Variants in POLD3 observed in about 807,000 individuals in gnomAD.
POLD3 encodes the protein DNA polymerase delta 3, accessory subunit, also known as DNA polymerase delta subunit 3.
A neutral mutation model predicts 58.2 loss-of-function variants in POLD3; 19 were observed. The observed-to-expected ratio is 0.33, with a 90% confidence interval of 0.23 to 0.48. The LOEUF is 0.48. Among genes scored for constraint, POLD3 ranks in the 20% least tolerant of loss-of-function variants. POLD3 has a pLI of 0.99. For missense variants in POLD3, 504 were observed against 545.5 expected (o/e 0.92, Z 0.76); for synonymous variants, 172 against 193.5 (o/e 0.89, Z 0.92).
At chr11:74,607,504 G>A (rs2031730040) in intron 3 of POLD3, among the ~76,000 whole-genome samples, 2 of 151,442 alleles carry the variant, frequency 1.3e-5, no homozygotes, top group African/African-American at 4.8e-5. Flanking sequence ...CTGACCTTGT[G>A]ATCCACCCAC....
At chr11:74,635,241 T>G (rs533204321) in intron 10 of POLD3, among the ~76,000 whole-genome samples, 1 of 152,342 alleles carries the variant, frequency 6.6e-6, no homozygotes, top group South Asian at 2.1e-4. Context: ...CTGTTAGTTT[T>G]TCTTAATTCA....
rs772517397 is a variant in POLD3, at chr11:74,594,108, G to C, written c.108G>C (p.Gln36His). 6.3e-7 allele frequency: 1 copy of C among 1,593,010 alleles called. No individual in the cohort carries two copies. The highest frequency in any genetic ancestry group is 1.1e-5 in the South Asian group (1 of 90,506). Residue 36 changes from glutamine (Q) to histidine (H), a missense_variant, in exon 2 of 12, where the codon CAG becomes CAC. Physicochemically the swap from Gln to His is conservative, Grantham distance 24. Coordinates refer to ENST00000263681, the MANE Select transcript of POLD3 (RefSeq NM_006591.3). ...ATACACTAGGGGTTCATGTTAACCA[G>C]GCCAAACAGTAAGTCCAATTTACTA... ...LSYTLGVHVN[Q>H]AKQMLYDYVE...
downstream of POLD3, among the ~76,000 whole-genome samples, chr11:74,643,334 T>C (rs577962871): frequency 6.6e-6 from 1 of 152,228 alleles, no homozygotes; most frequent in Non-Finnish European, 1.5e-5. Flanking sequence ...TATAGATGCC[T>C]ATATTTACTG....
intron 4 of POLD3, among the ~76,000 whole-genome samples, chr11:74,648,710 G>C (rs78161996): frequency 6.6e-6 from 1 of 152,164 alleles, no homozygotes; most frequent in Non-Finnish European, 1.5e-5. Flanking sequence ...AGCTCACAGA[G>C]GTCTTTGCTA....
chr11:74,656,392 G>A (rs191886358), intron 4 of POLD3, among the ~76,000 whole-genome samples: 1 of 152,282 alleles, frequency 6.6e-6, no homozygotes, highest in Admixed American at 6.5e-5. Flanking sequence ...TTTGAGACCA[G>A]CCTGACCAAA....
chr11:74,614,564 G>T (rs1372865440), intron 5 of POLD3, among the ~76,000 whole-genome samples: 3 of 152,286 alleles, frequency 2.0e-5, no homozygotes, highest in Admixed American at 6.5e-5. Context: ...CAAAAAATTA[G>T]CTGGGCACGG....
chr11:74,654,941 TA>T (rs2033114622), intron 4 of POLD3, among the ~76,000 whole-genome samples: 1 of 152,330 alleles, frequency 6.6e-6, no homozygotes, highest in Admixed American at 6.5e-5. Flanking sequence ...TGAGCTTCGA[TA>T]AGCTGCCACA....
intron 11 of POLD3, among the ~76,000 whole-genome samples, chr11:74,637,193 T>G (rs7112403): frequency 8.8e-4 from 134 of 152,272 alleles, no homozygotes; most frequent in African/African-American, 2.9e-3. Flanking sequence ...TTGAAAAGAT[T>G]GGCTCTGAAG....
At position 74,663,101 on chromosome 11, in the gene POLD3, T is replaced by G. The variant is rs145815355; in HGVS notation, c.370-5676T>G. ...CAGGTACTGTGATTGCTTACCTGATTTTTGGTTCCTATAAAGGTGCTTTTC... is the reference window on the plus strand; with the variant it reads ...CAGGTACTGTGATTGCTTACCTGATGTTTGGTTCCTATAAAGGTGCTTTTC... On this transcript the variant is annotated intron_variant, in intron 4 of 4. Transcript: ENST00000524752. Among the ~76,000 whole-genome samples the G allele has an allele frequency of 4.8e-4, 73 of 152,340 alleles. 1 individual carries two copies. In the East Asian group the frequency reaches 9.0e-3, roughly 19 times the overall value.
At chr11:74,617,561 C>G (rs1444372328) in intron 5 of POLD3, among the ~76,000 whole-genome samples, 1 of 152,054 alleles carries the variant, frequency 6.6e-6, no homozygotes, top group Non-Finnish European at 1.5e-5. Flanking sequence ...GCCACCACGC[C>G]CAGCTAATTT....
chr11:74,625,045 G>A (rs1457835666), intron 7 of POLD3, among the ~76,000 whole-genome samples: 1 of 152,168 alleles, frequency 6.6e-6, no homozygotes, highest in Non-Finnish European at 1.5e-5. Context: ...GCTGCAAATC[G>A]TTGTCACCAT....
At chr11:74,655,324 A>C (rs1271843349) in intron 4 of POLD3, among the ~76,000 whole-genome samples, 1 of 152,268 alleles carries the variant, frequency 6.6e-6, no homozygotes, top group African/African-American at 2.4e-5. Context: ...GTCCCGCACC[A>C]CAGACTCTAT....
chr11:74,626,499 A>T (rs1405713506), intron 8 of POLD3, among the ~76,000 whole-genome samples: 4 of 152,170 alleles, frequency 2.6e-5, no homozygotes, highest in Non-Finnish European at 4.4e-5. Flanking sequence ...GGATGCTCAG[A>T]TGGTGTTTTT....
At chr11:74,645,902 ATTAG>A (rs954511692), downstream of POLD3, among the ~76,000 whole-genome samples, 3 of 151,470 alleles carry the variant, frequency 2.0e-5, no homozygotes, top group Non-Finnish European at 4.4e-5. Context: ...TTGGCTATGT[ATTAG>A]TTCATACTTC....
At chr11:74,620,143 A>G (rs1003340746) in intron 7 of POLD3, 54 bp downstream of exon 7, 4 of 1,307,056 alleles carry the variant, frequency 3.1e-6, no homozygotes, top group Non-Finnish European at 4.4e-6. Context: ...ATGTAATGAC[A>G]TATTATACCT....
chr11:74,654,993 G>A (rs1211454144), intron 4 of POLD3, among the ~76,000 whole-genome samples: 5 of 152,224 alleles, frequency 3.3e-5, no homozygotes, highest in Non-Finnish European at 5.9e-5. Context: ...ACCAAAGAGT[G>A]CCTTGGCTAT....
At chr11:74,628,210 T>C (rs1403459998) in intron 8 of POLD3, among the ~76,000 whole-genome samples, 1 of 152,174 alleles carries the variant, frequency 6.6e-6, no homozygotes, top group Non-Finnish European at 1.5e-5. Flanking sequence ...ATTTCTTTAC[T>C]GTTTCATTCC....
intron 11 of POLD3, among the ~76,000 whole-genome samples, chr11:74,636,934 C>T (rs1042726199): frequency 6.6e-6 from 1 of 152,174 alleles, no homozygotes; most frequent in African/African-American, 2.4e-5. Flanking sequence ...GCTTCTTCTA[C>T]CCTTTCCATA....
At chr11:74,636,360 T>G in intron 11 of POLD3, 85 bp downstream of exon 11, 2 of 1,317,768 alleles carry the variant, frequency 1.5e-6, no homozygotes, top group Non-Finnish European at 2.1e-6. Context: ...AACAGGTACA[T>G]CTCAAACTTT....
Sources: gnomAD v4.1 joint callset for allele counts (sites outside exome capture counted in the v4.1 genomes callset) on GRCh38, gnomAD v4.1.1 for gene constraint, MANE v1.5 for transcripts, NCBI Gene and HGNC (gene_info 2026-07-23, HGNC 2026-07-21) for gene names.